Variants in THRB observed in about 807,000 individuals in gnomAD.
The protein encoded by THRB is nuclear receptor subfamily 1 group A member 2.
In THRB, 12 loss-of-function variants were observed where a neutral mutation model predicts 47.8. The ratio of observed to expected loss-of-function variants is 0.25; its 90% CI spans 0.16 to 0.41. The LOEUF (loss-of-function observed/expected upper bound fraction) is 0.41. Ranked by LOEUF, THRB falls within the 10% of genes least tolerant of loss-of-function variation. The pLI is 1.00. For missense variants in THRB, 348 were observed against 589.2 expected (o/e 0.59, Z 4.24); for synonymous variants, 218 against 212.2 (o/e 1.03, Z -0.24).
At chr3:24,259,620 C>CTTT (rs10671187) in intron 3 of THRB, among the ~76,000 whole-genome samples, 17,013 of 98,006 alleles carry the variant, frequency 0.17, 1,898 homozygotes, top group Non-Finnish European at 0.22. Flanking sequence ...CTCTGCTTAC[C>CTTT]TTTTTTTTTT....
chr3:24,148,395 G>C, intron 6 of THRB, among the ~76,000 whole-genome samples: 1 of 152,194 alleles, frequency 6.6e-6, no homozygotes, highest in Non-Finnish European at 1.5e-5. Flanking sequence ...CCAAAGTGCT[G>C]GGATTATAGG....
At chr3:24,218,569 G>A (rs1010703243) in intron 4 of THRB, among the ~76,000 whole-genome samples, 4 of 151,616 alleles carry the variant, frequency 2.6e-5, no homozygotes, top group Admixed American at 6.6e-5. Flanking sequence ...TTGTAGGATC[G>A]TAATTCTGTT....
At chr3:24,259,070 C>A (rs1342052485) in intron 3 of THRB, among the ~76,000 whole-genome samples, 1 of 152,150 alleles carries the variant, frequency 6.6e-6, no homozygotes. Flanking sequence ...CCACTGCAGA[C>A]CCACGCCTGC....
At position 24,249,456 on chromosome 3, in the gene THRB, ACT is replaced by A. The variant is rs546556855; in HGVS notation, c.-42-20457_-42-20456del. On this transcript the variant is annotated intron_variant, in intron 3 of 10. Coordinates refer to ENST00000646209, the MANE Select transcript of THRB (RefSeq NM_001354712.2). Reference sequence around the variant, plus strand: ...TTCACATGGCAGTATGAAGAATTAAACTCTTAGAGCGATATAACCTTGCCACA... The same window carrying A: ...TTCACATGGCAGTATGAAGAATTAAACTTAGAGCGATATAACCTTGCCACA... Among the ~76,000 whole-genome samples the A allele has an allele frequency of 6.4e-4, 97 of 152,220 alleles. 2 individuals are homozygous for A. The South Asian group carries it at 0.019, about 30-fold the overall frequency.
chr3:24,375,905 T>C (rs190018990), intron 1 of THRB, among the ~76,000 whole-genome samples: 19 of 151,958 alleles, frequency 1.3e-4, no homozygotes, highest in Admixed American at 9.9e-4. Flanking sequence ...TAAAAGAAAA[T>C]AAGGAGATAA....
intron 8 of THRB, among the ~76,000 whole-genome samples, chr3:24,141,046 G>A (rs776449867): frequency 2.6e-5 from 4 of 152,172 alleles, no homozygotes; most frequent in African/African-American, 7.2e-5. Flanking sequence ...AAAATGGCTC[G>A]GAGAAGCAGT....
intron 1 of THRB, among the ~76,000 whole-genome samples, chr3:24,412,184 A>T (rs1038248891): frequency 2.0e-5 from 3 of 151,892 alleles, no homozygotes; most frequent in Non-Finnish European, 2.9e-5. Flanking sequence ...TATAACATGG[A>T]TGACAGCATT....
At chr3:24,436,921 C>T (rs1237828682) in intron 1 of THRB, among the ~76,000 whole-genome samples, 1 of 151,950 alleles carries the variant, frequency 6.6e-6, no homozygotes, top group Non-Finnish European at 1.5e-5. Flanking sequence ...TCAGGTCTGG[C>T]CAATGTAGTA....
intron 3 of THRB, among the ~76,000 whole-genome samples, chr3:24,271,998 T>C (rs1363017838): frequency 6.6e-6 from 1 of 152,200 alleles, no homozygotes; most frequent in Non-Finnish European, 1.5e-5. Context: ...GGCTACTCAT[T>C]AATAATTTAG....
rs1227159708 is a variant in THRB at position 24,398,342 on chromosome 3, G to A, written c.-260-60971C>T. Among the ~76,000 whole-genome samples, 6 of 152,098 alleles carry A rather than the reference G, an allele frequency of 3.9e-5. No individual in the cohort carries two copies. In the East Asian group the frequency reaches 7.7e-4, roughly 20 times the overall value. ...TTTGCAATCTACTCATCTGACAAAGGGCTAATATCCAGAATCTACAAAGAA... is the reference window on the plus strand; with the variant it reads ...TTTGCAATCTACTCATCTGACAAAGAGCTAATATCCAGAATCTACAAAGAA... On this transcript the variant is annotated intron_variant, in intron 1 of 10. Transcript: ENST00000646209.
intron 3 of THRB, among the ~76,000 whole-genome samples, chr3:24,270,145 C>A (rs1198951658): frequency 1.3e-5 from 2 of 152,122 alleles, no homozygotes; most frequent in Middle Eastern, 3.2e-3. Context: ...TTAAAAACTG[C>A]AACTCTAAGG....
intron 4 of THRB, among the ~76,000 whole-genome samples, chr3:24,212,927 C>A (rs80136013): frequency 6.6e-6 from 1 of 152,170 alleles, no homozygotes; most frequent in Non-Finnish European, 1.5e-5. Context: ...TCAGATGATT[C>A]CTTCTGCCAA....
At chr3:24,445,975 C>T (rs4858615) in intron 1 of THRB, among the ~76,000 whole-genome samples, 144,843 of 152,254 alleles carry the variant, frequency 0.95, 69,226 homozygotes, top group Non-Finnish European at 1. Context: ...AAACTTTGTC[C>T]AGACCATAAT....
At chr3:24,207,347 A>C (rs1316263098) in intron 4 of THRB, among the ~76,000 whole-genome samples, 1 of 152,212 alleles carries the variant, frequency 6.6e-6, no homozygotes, top group Non-Finnish European at 1.5e-5. Context: ...CAACTTACGC[A>C]AATCAATAAA....
intron 4 of THRB, among the ~76,000 whole-genome samples, chr3:24,223,651 A>G (rs2683532): frequency 0.56 from 84,547 of 152,002 alleles, 25,719 homozygotes; most frequent in African/African-American, 0.79. Flanking sequence ...TATTAATTTT[A>G]CAACTTTCCT....
intron 2 of THRB, among the ~76,000 whole-genome samples, chr3:24,327,155 C>T (rs1468409661): frequency 6.6e-6 from 1 of 152,054 alleles, no homozygotes; most frequent in Non-Finnish European, 1.5e-5. Flanking sequence ...TGAACAATTA[C>T]AAAAACTTGT....
chr3:24,362,553 T>C (rs900058408), intron 1 of THRB, among the ~76,000 whole-genome samples: 3 of 152,156 alleles, frequency 2.0e-5, no homozygotes, highest in African/African-American at 4.8e-5. Context: ...ACTGTACTTA[T>C]TGATTTTTTA....
intron 4 of THRB, among the ~76,000 whole-genome samples, chr3:24,195,305 G>A (rs1295274143): frequency 2.0e-5 from 3 of 152,158 alleles, no homozygotes; most frequent in Non-Finnish European, 4.4e-5. Flanking sequence ...CTAAAATTAA[G>A]AGAAGCACTT....
intron 5 of THRB, among the ~76,000 whole-genome samples, chr3:24,178,596 C>G (rs1252630843): frequency 6.6e-6 from 1 of 152,116 alleles, no homozygotes; most frequent in East Asian, 1.9e-4. Context: ...GTGTGAACGA[C>G]AAAGAAAAAC....
Sources: allele counts gnomAD v4.1 joint callset (sites outside exome capture counted in the v4.1 genomes callset), GRCh38; gene constraint gnomAD v4.1.1; transcripts MANE v1.5; gene names NCBI Gene and HGNC (gene_info 2026-07-23, HGNC 2026-07-21).